RALB: variants seen among roughly 807,000 people sequenced by gnomAD.
RALB encodes the protein RAS like proto-oncogene B.
RALB carries 16 observed loss-of-function variants against 21.3 expected under a neutral mutation model. That is an observed-to-expected ratio of 0.75 (90% CI 0.51 to 1.14). The LOEUF is 1.14. Among genes scored for constraint, RALB ranks in the 50% most tolerant of loss-of-function variants. The pLI is 0.00. For synonymous variants in RALB, 93 were observed against 96.1 expected, an observed-to-expected ratio of 0.97 and a Z score of 0.19; for missense variants, 161 against 256.2, an observed-to-expected ratio of 0.63 and a Z score of 2.54.
At chr2:120,293,025 A>C in intron 4 of RALB, 116 bp from the exon 5 acceptor site, 1 of 1,118,248 alleles carries the variant, frequency 8.9e-7, no homozygotes, top group Non-Finnish European at 1.2e-6. Context: ...TGCTTAGTCA[A>C]ATTATTTCAT....
At chr2:120,248,069 A>T (rs1688999944), upstream of RALB, among the ~76,000 whole-genome samples, 1 of 152,190 alleles carries the variant, frequency 6.6e-6, no homozygotes, top group African/African-American at 2.4e-5. Context: ...TGAAACGCAG[A>T]GGGGAAAGCT....
At chr2:120,259,361 T>G (rs923863512) in intron 1 of RALB, among the ~76,000 whole-genome samples, 2 of 152,184 alleles carry the variant, frequency 1.3e-5, no homozygotes, top group African/African-American at 2.4e-5. Flanking sequence ...ACAAAGGTTC[T>G]CCACGTCCCC....
chr2:120,260,632 A>T (rs2104592319), intron 1 of RALB, among the ~76,000 whole-genome samples: 1 of 152,060 alleles, frequency 6.6e-6, no homozygotes, highest in African/African-American at 2.4e-5. Context: ...GGGCCCAGAG[A>T]GCCACCCGGG....
chr2:120,264,235 C>G (rs1168197694), intron 1 of RALB, among the ~76,000 whole-genome samples: 1 of 151,806 alleles, frequency 6.6e-6, no homozygotes, highest in Admixed American at 6.6e-5. Context: ...ACTGCAAGCT[C>G]TGCCTTCTGG....
chr2:120,284,580 A>G (rs1039321109), intron 2 of RALB, among the ~76,000 whole-genome samples: 1 of 152,120 alleles, frequency 6.6e-6, no homozygotes, highest in Non-Finnish European at 1.5e-5. Context: ...TTGTATTTTT[A>G]GTAGAGATGG....
At chr2:120,281,986 G>C (rs1690001117) in intron 2 of RALB, among the ~76,000 whole-genome samples, 1 of 152,160 alleles carries the variant, frequency 6.6e-6, no homozygotes, top group South Asian at 2.1e-4. Flanking sequence ...CTAGTGCGTG[G>C]AGGCCAAGGA....
rs1035076555 is a variant in RALB, at chr2:120,294,539, G to A, written c.*1279G>A. 10 of 319,956 alleles carry A rather than the reference G, an allele frequency of 3.1e-5. No homozygotes were observed. In the South Asian group the frequency reaches 7.9e-4, roughly 25 times the overall value. 19.8% of individuals were successfully genotyped at this position (319,956 alleles called of 1,614,324 possible). On this transcript the variant is annotated 3_prime_UTR_variant, in exon 5 of 5. Transcript: ENST00000272519. ...CATTTTTTCCCCATTTTTCAGAAGC[G>A]ACATTTCATATATAGGTGCCAAAAG...
At chr2:120,261,827 G>C (rs1205039644) in intron 1 of RALB, among the ~76,000 whole-genome samples, 24 of 151,946 alleles carry the variant, frequency 1.6e-4, no homozygotes, top group Admixed American at 1.6e-3. Context: ...CAGGTGTCAA[G>C]AGGGCAGAGA....
intron 1 of RALB, among the ~76,000 whole-genome samples, chr2:120,258,053 A>G (rs550958410): frequency 6.6e-6 from 1 of 152,302 alleles, no homozygotes; most frequent in East Asian, 1.9e-4. Flanking sequence ...GGCCTGGTGC[A>G]TACCCACATC....
At chr2:120,292,500 C>T (rs756628360) in intron 4 of RALB, among the ~76,000 whole-genome samples, 1 of 152,150 alleles carries the variant, frequency 6.6e-6, no homozygotes, top group Non-Finnish European at 1.5e-5. Context: ...AGCAGGGACT[C>T]ATTATGGCAT....
chr2:120,266,482 C>T (rs1689504830), intron 1 of RALB, among the ~76,000 whole-genome samples: 4 of 152,120 alleles, frequency 2.6e-5, no homozygotes, highest in Admixed American at 1.3e-4. Flanking sequence ...CTCTTGACCT[C>T]GTGATCTGCC....
At chr2:120,249,034 CTTT>C (rs34646056), upstream of RALB, among the ~76,000 whole-genome samples, 30 of 136,746 alleles carry the variant, frequency 2.2e-4, no homozygotes, top group Admixed American at 2.9e-4. Context: ...TTGTGTTAGT[CTTT>C]TTTTTTTTTT....
intron 1 of RALB, among the ~76,000 whole-genome samples, chr2:120,245,046 G>A (rs1200036746): frequency 6.6e-6 from 1 of 152,234 alleles, no homozygotes; most frequent in Admixed American, 6.5e-5. Flanking sequence ...GGAAGAGGGA[G>A]AGCCGTGGGA....
At position 120,293,271 on chromosome 2, in the gene RALB, G is replaced by T; in HGVS notation, c.*11G>T. ...TGTTGCTTACTATGAGTGTCAAGGT[G>T]ACGGATGAAGCCAGCTGCTCCTAAG... On this transcript the variant is annotated 3_prime_UTR_variant, in exon 5 of 5. Transcript: ENST00000272519. 6.2e-7 allele frequency: 1 copy of T among 1,606,728 alleles called. No homozygotes were observed. Among genetic ancestry groups the T allele is most frequent in the South Asian group, 1.1e-5 (1 of 90,010 alleles).
chr2:120,294,237 A>G lies in RALB; in HGVS notation c.*977A>G. 5.0e-6 allele frequency: 2 copies of G among 398,638 alleles called. No individual in the cohort carries two copies. The highest frequency in any genetic ancestry group is 8.8e-6 in the Non-Finnish European group (2 of 226,060). The allele number at this position is 398,638 out of a possible 1,614,324, so 24.7% of individuals were successfully genotyped here. On this transcript the variant is annotated 3_prime_UTR_variant, in exon 5 of 5. Transcript: ENST00000272519. Reference sequence around the variant, plus strand: ...GTTAAAGTTGTATTCTGAAATCATGAAGCCAGAGCCTGTGCCAGACCTTCT... The same window carrying G: ...GTTAAAGTTGTATTCTGAAATCATGGAGCCAGAGCCTGTGCCAGACCTTCT...
rs553319095 is a variant in RALB at position 120,293,143 on chromosome 2, G to T, written c.504G>T (p.Val168=). ...TACTCTTTACTCCTCACCCCCAGGTGTTCTTTGACCTAATGAGAGAAATCA... is the reference window on the plus strand; with the variant it reads ...TACTCTTTACTCCTCACCCCCAGGTTTTCTTTGACCTAATGAGAGAAATCA... ...SAKTRANVDK[V]FFDLMREIRT... Residue 168 remains valine (V), a splice_region_variant and synonymous_variant, in exon 5 of 5, where the codon GTG becomes GTT. Transcript: ENST00000272519. 8.7e-6 allele frequency: 14 copies of T among 1,607,546 alleles called. No homozygotes were observed. In the South Asian group the frequency reaches 1.4e-4, roughly 17 times the overall value.
intron 2 of RALB, among the ~76,000 whole-genome samples, chr2:120,280,585 C>T (rs1317528273): frequency 6.6e-6 from 1 of 151,646 alleles, no homozygotes; most frequent in East Asian, 1.9e-4. Context: ...AGCATTAGGA[C>T]AAATACCTAA....
chr2:120,286,914 T>C (rs1275478501), intron 3 of RALB, among the ~76,000 whole-genome samples: 1 of 152,234 alleles, frequency 6.6e-6, no homozygotes, highest in Admixed American at 6.5e-5. Context: ...CATTTTGTTA[T>C]AAAGAAATAG....
At chr2:120,246,542 C>A (rs550191825) in intron 1 of RALB, among the ~76,000 whole-genome samples, 1 of 152,240 alleles carries the variant, frequency 6.6e-6, no homozygotes, top group South Asian at 2.1e-4. Flanking sequence ...CCTCCTCCCC[C>A]TTCCTAACTC....
Sources: gnomAD v4.1 joint callset for allele counts (sites outside exome capture counted in the v4.1 genomes callset) on GRCh38, gnomAD v4.1.1 for gene constraint, MANE v1.5 for transcripts, NCBI Gene and HGNC (gene_info 2026-07-23, HGNC 2026-07-21) for gene names.